Variants in ALKBH5 observed in about 807,000 individuals in gnomAD.
ALKBH5 encodes the protein RNA demethylase ALKBH5.
A neutral mutation model predicts 32.1 loss-of-function variants in ALKBH5; 2 were observed. The observed-to-expected ratio is 0.06, with a 90% CI of 0.03 to 0.20. The LOEUF (loss-of-function observed/expected upper bound fraction) is 0.20. ALKBH5 is among the 10% of genes least tolerant of loss of function. The pLI is 1.00. For missense variants in ALKBH5, 352 were observed against 559.5 expected, an observed-to-expected ratio of 0.63 and a Z score of 3.74; for synonymous variants, 300 against 231.7, an observed-to-expected ratio of 1.29 and a Z score of -2.68.
At chr17:18,197,822 A>G (rs898920720) in intron 2 of ALKBH5, among the ~76,000 whole-genome samples, 1 of 152,222 alleles carries the variant, frequency 6.6e-6, no homozygotes, top group Non-Finnish European at 1.5e-5. Context: ...GGAACCATTC[A>G]CAGACTGGGC....
chr17:18,184,708 C>T lies in ALKBH5; in HGVS notation c.465C>T (p.Leu155=), dbSNP rs753837137. 3.1e-6 allele frequency: 5 copies of T among 1,613,136 alleles called. No homozygotes were observed. The highest frequency in any genetic ancestry group is 4.5e-5 in the East Asian group (2 of 44,890). ...AGCGCGGGCCCGGCCAGGAGCGCCT[C>T]TACCCGCCGGGCGACGTGGACGAGA... is the stretch of plus-strand genomic sequence containing the variant. ...LQKRGPGQER[L]YPPGDVDEIP... is the part of the protein sequence containing the mutation. Residue 155 remains leucine, a synonymous_variant, in exon 1 of 4, where the codon CTC becomes CTT. Coordinates refer to ENST00000399138, the MANE Select transcript of ALKBH5 (RefSeq NM_017758.4).
intron 2 of ALKBH5, among the ~76,000 whole-genome samples, chr17:18,201,743 T>A (rs955322057): frequency 1.5e-5 from 2 of 129,828 alleles, no homozygotes; most frequent in South Asian, 6.1e-4. Flanking sequence ...AGACTCCATC[T>A]TAGATAGATA....
Position 18,208,967 on chromosome 17 carries a change from TG to T in ALKBH5, c.*574del, listed in dbSNP as rs2047288047. 4.9e-6 allele frequency: 1 copy of T among 203,976 alleles called. No homozygotes were observed. Among genetic ancestry groups the T allele is most frequent in the Admixed American group, 5.4e-5 (1 of 18,690 alleles). The allele number at this position is 203,976 out of a possible 1,614,324, so 12.6% of individuals were successfully genotyped here. ...CTGCGGCAGAGTTGTTCAGGTTGCC[TG>T]GGCAGGGGCTTAAACAGTGCCAGCC... On this transcript the variant is annotated 3_prime_UTR_variant, in exon 4 of 4. Transcript: ENST00000399138.
Position 18,208,367 on chromosome 17 carries a change from G to C in ALKBH5, c.1156G>C (p.Ala386Pro). Reference protein sequence around the residue: ...EDCSEAAGSPARKVKMRRH With the variant: ...EDCSEAAGSPPRKVKMRRH ...CTGCTCTGAGGCAGCAGGCAGCCCTGCCCGAAAGGTGAAGATGCGGCGGCA... is the reference window on the plus strand; with the variant it reads ...CTGCTCTGAGGCAGCAGGCAGCCCTCCCCGAAAGGTGAAGATGCGGCGGCA... Residue 386 changes from alanine to proline, a missense_variant, in exon 4 of 4, where the codon GCC (alanine) becomes CCC (proline). By Grantham distance (27) the Ala-to-Pro change is conservative. Coordinates refer to ENST00000399138, the MANE Select transcript of ALKBH5 (RefSeq NM_017758.4). The C allele has an allele frequency of 6.2e-7, 1 of 1,613,494 alleles. No homozygotes were observed. Among genetic ancestry groups the C allele is most frequent in the South Asian group, 1.1e-5 (1 of 91,062 alleles).
rs2047271329 is a variant in ALKBH5, at chr17:18,206,805, T to C, written c.852-10T>C. ...GCCCTTTGGTGACCCCATGCATGTT[T>C]CCTTTGCAGGACAAGATTAGATGCA... On this transcript the variant is annotated splice_polypyrimidine_tract_variant and intron_variant, in intron 2 of 3. Transcript: ENST00000399138. 6.2e-7 allele frequency: 1 copy of C among 1,613,686 alleles called. No homozygotes were observed. The highest frequency in any genetic ancestry group is 8.5e-7 in the Non-Finnish European group (1 of 1,179,706).
chr17:18,192,854 C>CTT (rs201150139), intron 1 of ALKBH5, among the ~76,000 whole-genome samples: 2,021 of 115,400 alleles, frequency 0.018, no homozygotes, highest in Non-Finnish European at 0.023. Context: ...CTGTCTTTTT[C>CTT]TTTTTTTTTT....
At chr17:18,195,561 A>AAGT (rs1271345837) in intron 2 of ALKBH5, among the ~76,000 whole-genome samples, 4 of 152,198 alleles carry the variant, frequency 2.6e-5, no homozygotes, top group Non-Finnish European at 5.9e-5. Flanking sequence ...TGTGCTACTT[A>AAGT]ACATCAACAA....
At chr17:18,192,664 G>A (rs8068517) in intron 1 of ALKBH5, among the ~76,000 whole-genome samples, 129,268 of 152,134 alleles carry the variant, frequency 0.85, 55,587 homozygotes, top group Middle Eastern at 0.95. Flanking sequence ...CTCCTGTGTG[G>A]TACTTCTCAC....
At position 18,184,405 on chromosome 17, in the gene ALKBH5, C is replaced by A; in HGVS notation, c.162C>A (p.Ser54=). 1 of 1,569,146 alleles carries A rather than the reference C, an allele frequency of 6.4e-7. No individual in the cohort carries two copies. Among genetic ancestry groups the A allele is most frequent in the Non-Finnish European group, 8.6e-7 (1 of 1,158,012 alleles). Residue 54 remains serine, a synonymous_variant, in exon 1 of 4, where the codon TCC becomes TCA. Coordinates refer to ENST00000399138, the MANE Select transcript of ALKBH5 (RefSeq NM_017758.4). Reference sequence around the variant, plus strand: ...CTGCCGCCGAACCTTACCCTGTGTCCGGGGCCAAGCGCAAGTATCAGGAGG... The same window carrying A: ...CTGCCGCCGAACCTTACCCTGTGTCAGGGGCCAAGCGCAAGTATCAGGAGG... The part of the protein sequence containing the change: ...AAAAAEPYPV[S]GAKRKYQEDS...
At chr17:18,185,519 C>T (rs11653988) in intron 1 of ALKBH5, among the ~76,000 whole-genome samples, 32,007 of 152,072 alleles carry the variant, frequency 0.21, 3,674 homozygotes, top group Middle Eastern at 0.31. Context: ...TTCTCCATTC[C>T]CAGGAGGGGG....
rs890600608 is a variant in ALKBH5, at chr17:18,209,475, GCCT to G, written c.*1085_*1087del. 63 of 152,604 alleles carry G rather than the reference GCCT, an allele frequency of 4.1e-4. No individual in the cohort carries two copies. The highest frequency in any genetic ancestry group is 1.5e-3 in the African/African-American group (62 of 41,522). 9.5% of individuals were successfully genotyped at this position (152,604 alleles called of 1,614,324 possible). On this transcript the variant is annotated 3_prime_UTR_variant, in exon 4 of 4. Transcript: ENST00000399138. ...GCTCAGGCCTGCAGACTGGGCTGGT[GCCT>G]CCTCCGCTTCAGGGTATGGGAGTTG...
chr17:18,201,743 TTAGATAGA>T (rs57485964), intron 2 of ALKBH5, among the ~76,000 whole-genome samples: 17,965 of 129,818 alleles, frequency 0.14, 1,285 homozygotes, highest in Middle Eastern at 0.21. Context: ...AGACTCCATC[TTAGATAGA>T]TAGATAGATA....
At chr17:18,194,883 C>A in intron 1 of ALKBH5, 72 bp from the exon 2 acceptor site, 1 of 1,350,286 alleles carries the variant, frequency 7.4e-7, no homozygotes, top group Non-Finnish European at 1.1e-6. Context: ...ATGTTCCTGT[C>A]CTGTTATATC....
In ALKBH5 at chr17:18,184,916, G is replaced by T; in HGVS notation, c.673G>T (p.Ala225Ser). Residue 225 changes from alanine (A) to serine (S), a missense_variant, in exon 1 of 4, where the codon GCG becomes TCG. Transcript: ENST00000399138. ...GTCCGTGTCCTTCTTTAGCGACTCTGCGCTGTGCTTCGGCTGCAAGTTCCA... is the reference window on the plus strand; with the variant it reads ...GTCCGTGTCCTTCTTTAGCGACTCTTCGCTGTGCTTCGGCTGCAAGTTCCA... ...IVSVSFFSDSALCFGCKFQFK... is the reference protein window; with the variant it reads ...IVSVSFFSDSSLCFGCKFQFK... 6.2e-7 allele frequency: 1 copy of T among 1,614,216 alleles called. No homozygotes were observed. Among genetic ancestry groups the T allele is most frequent in the Non-Finnish European group, 8.5e-7 (1 of 1,180,046 alleles).
chr17:18,202,550 G>A (rs1399798177), intron 2 of ALKBH5, among the ~76,000 whole-genome samples: 1 of 152,130 alleles, frequency 6.6e-6, no homozygotes, highest in Non-Finnish European at 1.5e-5. Context: ...ACTGGTCTCT[G>A]CCTCGCTTTG....
intron 2 of ALKBH5, among the ~76,000 whole-genome samples, chr17:18,197,599 C>T (rs1567675801): frequency 1.3e-5 from 2 of 152,202 alleles, no homozygotes; most frequent in Non-Finnish European, 2.9e-5. Context: ...TGTCAGTCTT[C>T]CAGCTGCTAC....
intron 2 of ALKBH5, among the ~76,000 whole-genome samples, chr17:18,201,976 G>A (rs544431477): frequency 5.0e-4 from 76 of 151,774 alleles, no homozygotes; most frequent in African/African-American, 1.7e-3. Flanking sequence ...AATCCCACCC[G>A]TGCACTCCAG....
chr17:18,185,039 G>GC (rs768763088), intron 1 of ALKBH5, 26 bp downstream of exon 1: 2 of 1,590,662 alleles, frequency 1.3e-6, no homozygotes, highest in South Asian at 1.1e-5. Context: ...GGAGGGGGCG[G>GC]CCCTGCGCCT....
chr17:18,199,828 G>A (rs560673141), intron 2 of ALKBH5, among the ~76,000 whole-genome samples: 9 of 152,196 alleles, frequency 5.9e-5, no homozygotes, highest in East Asian at 1.9e-4. Context: ...AACCCAGGCC[G>A]GTCGTGGTGG....
Sources: gnomAD v4.1 joint callset for allele counts (sites outside exome capture counted in the v4.1 genomes callset) on GRCh38, gnomAD v4.1.1 for gene constraint, MANE v1.5 for transcripts, NCBI Gene and HGNC (gene_info 2026-07-23, HGNC 2026-07-21) for gene names.